WNT7A: variants seen among roughly 807,000 people sequenced by gnomAD.
The protein encoded by WNT7A is Wnt family member 7A.
In WNT7A, 16 loss-of-function variants were observed where a neutral mutation model predicts 28.2. That is an observed-to-expected ratio of 0.57 (90% CI 0.38 to 0.86). The LOEUF (loss-of-function observed/expected upper bound fraction) is 0.86, where lower values mean the gene tolerates loss of function less well. Among genes scored for constraint, WNT7A ranks in the 40% least tolerant of loss-of-function variants. The pLI is 0.00. For synonymous variants in WNT7A, 190 were observed against 195.9 expected (o/e 0.97, Z 0.25); for missense variants, 411 against 489.7 (o/e 0.84, Z 1.52).
At chr3:13,832,217 G>T (rs1403357950) in intron 3 of WNT7A, among the ~76,000 whole-genome samples, 1 of 132,008 alleles carries the variant, frequency 7.6e-6, no homozygotes, top group Non-Finnish European at 1.6e-5. Context: ...TCCTTCTCTT[G>T]CTCTTCATGC....
chr3:13,823,081 C>T (rs192828341), intron 3 of WNT7A, among the ~76,000 whole-genome samples: 2 of 152,342 alleles, frequency 1.3e-5, no homozygotes, highest in African/African-American at 4.8e-5. Flanking sequence ...CACATTAAGC[C>T]AGGCATAATC....
intron 3 of WNT7A, among the ~76,000 whole-genome samples, chr3:13,854,104 T>C (rs1694685176): frequency 6.6e-6 from 1 of 151,122 alleles, no homozygotes; most frequent in Non-Finnish European, 1.5e-5. Flanking sequence ...CAAGGCCACC[T>C]GTGAGGCTCT....
chr3:13,846,683 C>A (rs1270147977), intron 3 of WNT7A, among the ~76,000 whole-genome samples: 1 of 152,172 alleles, frequency 6.6e-6, no homozygotes, highest in Admixed American at 6.5e-5. Context: ...TTCCTTCTCA[C>A]TTGAGCTGCC....
At chr3:13,867,445 C>T (rs963060191) in intron 2 of WNT7A, among the ~76,000 whole-genome samples, 1 of 152,138 alleles carries the variant, frequency 6.6e-6, no homozygotes, top group Middle Eastern at 3.2e-3. Flanking sequence ...CACAAAACAG[C>T]CACATGATCT....
At chr3:13,829,886 C>G (rs1209435491) in intron 3 of WNT7A, among the ~76,000 whole-genome samples, 1 of 152,032 alleles carries the variant, frequency 6.6e-6, no homozygotes, top group African/African-American at 2.4e-5. Flanking sequence ...TGTTGAAGCC[C>G]CAGCCCTTCA....
At chr3:13,848,114 GA>G (rs1027771006) in intron 3 of WNT7A, among the ~76,000 whole-genome samples, 11 of 151,446 alleles carry the variant, frequency 7.3e-5, no homozygotes, top group African/African-American at 1.5e-4. Context: ...AAACTTTTAG[GA>G]AAAAAAATAT....
At position 13,818,351 on chromosome 3, in the gene WNT7A, C is replaced by CAAAAAATAAAAAAAAAAA; in HGVS notation, c.*592_*593insTTTTTTTTTTTATTTTTT. On this transcript the variant is annotated 3_prime_UTR_variant, in exon 4 of 4. Transcript: ENST00000285018. ...TTTCTGGATAAGTAGCAGCAAACAG[C>CAAAAAATAAAAAAAAAAA]AAAAAAAAAAAAAAAAATGTGTGTG... 1 of 79,956 alleles carries CAAAAAATAAAAAAAAAAA rather than the reference C, an allele frequency of 1.3e-5. No homozygotes were observed. Among genetic ancestry groups the CAAAAAATAAAAAAAAAAA allele is most frequent in the African/African-American group, 4.8e-5 (1 of 20,640 alleles). The allele number at this position is 79,956 out of a possible 1,614,324, so 5.0% of individuals were successfully genotyped here. A position where few individuals can be genotyped will look rare whatever the true frequency, so the allele number is the denominator to read the frequency against.
At chr3:13,876,021 C>T (rs1234513076) in intron 1 of WNT7A, 2 of 152,214 alleles carry the variant, frequency 1.3e-5, no homozygotes, top group Non-Finnish European at 2.9e-5. Flanking sequence ...GTGATATGTA[C>T]TATGAAGAAA....
At chr3:13,845,723 C>A (rs1032941841) in intron 3 of WNT7A, among the ~76,000 whole-genome samples, 1 of 152,222 alleles carries the variant, frequency 6.6e-6, no homozygotes, top group African/African-American at 2.4e-5. Context: ...ACAGATGCAC[C>A]CAGCCCTACT....
At chr3:13,822,076 A>C (rs1649345400) in intron 3 of WNT7A, among the ~76,000 whole-genome samples, 1 of 152,252 alleles carries the variant, frequency 6.6e-6, no homozygotes, top group Admixed American at 6.5e-5. Context: ...AGGCTAAGAC[A>C]ATAACAAGTG....
intron 3 of WNT7A, among the ~76,000 whole-genome samples, chr3:13,841,048 C>T (rs1365072950): frequency 6.6e-6 from 1 of 152,170 alleles, no homozygotes; most frequent in African/African-American, 2.4e-5. Context: ...TTATCTCAGA[C>T]CTCAGTGCCT....
intron 3 of WNT7A, among the ~76,000 whole-genome samples, chr3:13,840,784 C>T (rs1694444983): frequency 6.6e-6 from 1 of 152,066 alleles, no homozygotes; most frequent in Admixed American, 6.5e-5. Flanking sequence ...TCCATCCATC[C>T]ATCTATCCAT....
At chr3:13,839,957 C>T (rs1050351199) in intron 3 of WNT7A, among the ~76,000 whole-genome samples, 2 of 152,182 alleles carry the variant, frequency 1.3e-5, no homozygotes, top group African/African-American at 4.8e-5. Flanking sequence ...CCCTTCCTAA[C>T]GCTGATCAGC....
intron 3 of WNT7A, among the ~76,000 whole-genome samples, chr3:13,838,579 C>T (rs1006133593): frequency 2.6e-5 from 4 of 152,188 alleles, no homozygotes; most frequent in African/African-American, 9.7e-5. Flanking sequence ...GGGGCTGGCT[C>T]AGGCAGAGAA....
At chr3:13,837,267 T>C (rs1417114510) in intron 3 of WNT7A, among the ~76,000 whole-genome samples, 1 of 152,128 alleles carries the variant, frequency 6.6e-6, no homozygotes, top group African/African-American at 2.4e-5. Context: ...CTTCTGCCTG[T>C]GACACCCTTC....
chr3:13,849,945 A>G (rs1489032658), intron 3 of WNT7A, among the ~76,000 whole-genome samples: 3 of 152,168 alleles, frequency 2.0e-5, no homozygotes, highest in African/African-American at 7.2e-5. Flanking sequence ...AATGGTCCCA[A>G]GAACCCCATG....
intron 3 of WNT7A, among the ~76,000 whole-genome samples, chr3:13,823,142 C>A (rs115239754): frequency 6.6e-6 from 1 of 152,156 alleles, no homozygotes; most frequent in Admixed American, 6.5e-5. Flanking sequence ...GCCCTCTCCC[C>A]GAGGCAGGGG....
intron 1 of WNT7A, among the ~76,000 whole-genome samples, chr3:13,879,331 C>T (rs759921012): frequency 1.3e-5 from 2 of 152,220 alleles, no homozygotes; most frequent in Admixed American, 6.5e-5. Context: ...TGAGAGAGTT[C>T]GTCTCGGGCT....
At chr3:13,822,275 G>T (rs1225342957) in intron 3 of WNT7A, among the ~76,000 whole-genome samples, 1 of 152,240 alleles carries the variant, frequency 6.6e-6, no homozygotes, top group Non-Finnish European at 1.5e-5. Flanking sequence ...ATGAGTACAT[G>T]ATTGCTCATA....
Sources: gnomAD v4.1 joint callset for allele counts (sites outside exome capture counted in the v4.1 genomes callset) on GRCh38, gnomAD v4.1.1 for gene constraint, MANE v1.5 for transcripts, NCBI Gene and HGNC (gene_info 2026-07-23, HGNC 2026-07-21) for gene names.